Variants in GMPS observed in about 807,000 individuals in gnomAD.
GMPS encodes guanosine monophosphate synthase.
In GMPS, 15 loss-of-function variants were observed where a neutral mutation model predicts 77.9. The ratio of observed to expected loss-of-function variants is 0.19; its 90% CI spans 0.13 to 0.30. The LOEUF (loss-of-function observed/expected upper bound fraction) is 0.30, where lower values mean the gene tolerates loss of function less well. GMPS is among the 10% of genes least tolerant of loss of function. The pLI is 1.00. For missense variants in GMPS, 590 were observed against 838.8 expected (o/e 0.70, Z 3.66); for synonymous variants, 224 against 275.9 (o/e 0.81, Z 1.86).
Position 155,896,096 on chromosome 3 carries a change from G to A in GMPS, c.210-1831G>A, listed in dbSNP as rs1280601925. ...GTGATCTCTGCTCACTGCAAGCTCCGCCTCCCAGGTTCACACCATTCTCCT... is the reference window on the plus strand; with the variant it reads ...GTGATCTCTGCTCACTGCAAGCTCCACCTCCCAGGTTCACACCATTCTCCT... On this transcript the variant is annotated intron_variant, in intron 2 of 15. Coordinates refer to ENST00000496455, the MANE Select transcript of GMPS (RefSeq NM_003875.3). 4.0e-5 allele frequency among the ~76,000 whole-genome samples: 6 copies of A among 151,128 alleles called. No homozygotes were observed. The East Asian group carries it at 7.8e-4, about 20-fold the overall frequency.
chr3:155,871,451 A>G (rs1461920427), intron 1 of GMPS, among the ~76,000 whole-genome samples: 7 of 151,944 alleles, frequency 4.6e-5, no homozygotes, highest in Non-Finnish European at 1.5e-5. Flanking sequence ...TCCCCCCGCC[A>G]GCCTTGGGCT....
intron 12 of GMPS, among the ~76,000 whole-genome samples, chr3:155,929,390 A>G (rs1426386168): frequency 2.6e-5 from 4 of 152,098 alleles, no homozygotes; most frequent in Admixed American, 2.0e-4. Flanking sequence ...ATCTATGACA[A>G]ACCCACAGCC....
chr3:155,919,268 A>G lies in GMPS; in HGVS notation c.1248A>G (p.Lys416=). The G allele has an allele frequency of 6.3e-7, 1 of 1,591,354 alleles. No homozygotes were observed. Among genetic ancestry groups the G allele is most frequent in the Non-Finnish European group, 8.6e-7 (1 of 1,165,690 alleles). ...KVIEPLKDFH[K]DEVRILGREL... is the part of the protein sequence containing the mutation. ...TAGAACCTCTGAAAGATTTTCATAA[A>G]GATGAAGTGAGAATTTTGGGCAGAG... Residue 416 remains lysine, a synonymous_variant, in exon 10 of 16, where the codon AAA becomes AAG. Transcript: ENST00000496455.
intron 10 of GMPS, among the ~76,000 whole-genome samples, chr3:155,920,769 CTT>C (rs1274862805): frequency 6.6e-6 from 1 of 152,040 alleles, no homozygotes; most frequent in Non-Finnish European, 1.5e-5. Context: ...TAAAAACTAT[CTT>C]AAGTATGCTG....
intron 7 of GMPS, among the ~76,000 whole-genome samples, chr3:155,913,214 A>G (rs2108107327): frequency 6.6e-6 from 1 of 152,286 alleles, no homozygotes; most frequent in Middle Eastern, 3.4e-3. Context: ...AAGACCTACA[A>G]ATTCACTGGC....
At position 155,897,510 on chromosome 3, in the gene GMPS, G is replaced by T. The variant is rs571395506; in HGVS notation, c.210-417G>T. The stretch of plus-strand genomic sequence containing the variant: ...AGTATTTTGCTCTGAGCCATCCAGG[G>T]CCTTCATAATACCTTCAGTTGTTGT... On this transcript the variant is annotated intron_variant, in intron 2 of 15. Transcript: ENST00000496455. Among the ~76,000 whole-genome samples, 10 of 152,226 alleles carry T rather than the reference G, an allele frequency of 6.6e-5. No homozygotes were observed. In the East Asian group the frequency reaches 1.7e-3, roughly 26 times the overall value.
At chr3:155,926,600 AAAAG>A (rs1451323073) in intron 12 of GMPS, among the ~76,000 whole-genome samples, 4 of 151,104 alleles carry the variant, frequency 2.6e-5, no homozygotes, top group African/African-American at 9.9e-5. Flanking sequence ...AAAATAAAAA[AAAAG>A]AAATTCTGTT....
At chr3:155,915,547 G>A (rs1164340820) in intron 8 of GMPS, among the ~76,000 whole-genome samples, 10 of 152,126 alleles carry the variant, frequency 6.6e-5, no homozygotes, top group African/African-American at 2.2e-4. Flanking sequence ...GATTACAGGC[G>A]TGTGCCACCA....
chr3:155,942,231 C>G lies in GMPS; in HGVS notation c.*4539C>G, dbSNP rs1182471280. The G allele has an allele frequency of 1.1e-5, 2 of 181,550 alleles. No homozygotes were observed. The highest frequency in any genetic ancestry group is 1.2e-5 in the Non-Finnish European group (1 of 85,234). 11.2% of individuals were successfully genotyped at this position (181,550 alleles called of 1,614,324 possible). ...TCTCCCGAGTAGCTGGGACTACAGG[C>G]GCCCGCCACTACGCCCGGCTAATTT... On this transcript the variant is annotated 3_prime_UTR_variant, in exon 16 of 16. Transcript: ENST00000496455.
rs1016249168 is a variant in GMPS, at chr3:155,940,584, G to A, written c.*2892G>A. The A allele has an allele frequency of 1.8e-5, 4 of 217,334 alleles. No homozygotes were observed. Among genetic ancestry groups the A allele is most frequent in the African/African-American group, 6.8e-5 (3 of 44,434 alleles). 13.5% of individuals were successfully genotyped at this position (217,334 alleles called of 1,614,324 possible). On this transcript the variant is annotated 3_prime_UTR_variant, in exon 16 of 16. Transcript: ENST00000496455. ...ATCCATCTTTAGTGCTTTTCCTGCCGTTAAACAACAATGTGAACTTGGTCA... is the reference window on the plus strand; with the variant it reads ...ATCCATCTTTAGTGCTTTTCCTGCCATTAAACAACAATGTGAACTTGGTCA...
rs374436916 is a variant in GMPS at position 155,925,353 on chromosome 3, C to G, written c.1547C>G (p.Thr516Ser). 2 of 1,608,578 alleles carry G rather than the reference C, an allele frequency of 1.2e-6. No homozygotes were observed. ...AATGCCTTCTTGCTGCCAATTAAAA[C>G]TGTAGGTGTGCAGGTGAGTTGTGTG... ...SLNAFLLPIKTVGVQGDCRSY... is the reference protein window; with the variant it reads ...SLNAFLLPIKSVGVQGDCRSY... Residue 516 changes from threonine (T) to serine (S), a missense_variant, in exon 12 of 16, where the codon ACT becomes AGT. By Grantham distance (58) the Thr-to-Ser change is moderately conservative. This residue lies in a region of GMPS where 89 missense variants were observed against 95.9 expected (regional missense o/e 0.93). Coordinates refer to ENST00000496455, the MANE Select transcript of GMPS (RefSeq NM_003875.3).
At chr3:155,897,471 G>A (rs995471241) in intron 2 of GMPS, among the ~76,000 whole-genome samples, 3 of 152,270 alleles carry the variant, frequency 2.0e-5, no homozygotes, top group East Asian at 1.9e-4. Flanking sequence ...CTATTCTGCC[G>A]TCTTTTGTTG....
intron 1 of GMPS, among the ~76,000 whole-genome samples, chr3:155,871,458 G>C (rs1753903347): frequency 6.6e-6 from 1 of 152,204 alleles, no homozygotes; most frequent in Admixed American, 6.5e-5. Flanking sequence ...GCCAGCCTTG[G>C]GCTCCGCGGC....
intron 4 of GMPS, among the ~76,000 whole-genome samples, chr3:155,904,631 G>A (rs1430833032): frequency 1.3e-5 from 2 of 152,080 alleles, no homozygotes; most frequent in Admixed American, 6.5e-5. Context: ...AAAAAGCCAA[G>A]GTTGCTCAAA....
chr3:155,895,250 C>T lies in GMPS; in HGVS notation c.209+1551C>T, dbSNP rs561690962. On this transcript the variant is annotated intron_variant, in intron 2 of 15. Coordinates refer to ENST00000496455, the MANE Select transcript of GMPS (RefSeq NM_003875.3). Reference sequence around the variant, plus strand: ...CTGTAGAAATAACTATTTGACCACCCCTTTTCTAGAACATTTTGTGACATG... The same window carrying T: ...CTGTAGAAATAACTATTTGACCACCTCTTTTCTAGAACATTTTGTGACATG... 2.4e-4 allele frequency among the ~76,000 whole-genome samples: 37 copies of T among 152,228 alleles called. No individual in the cohort carries two copies. The South Asian group carries it at 6.2e-3, about 26-fold the overall frequency.
At chr3:155,889,215 C>T (rs1169463701) in intron 1 of GMPS, among the ~76,000 whole-genome samples, 1 of 152,170 alleles carries the variant, frequency 6.6e-6, no homozygotes, top group African/African-American at 2.4e-5. Context: ...CTGGCTCTGT[C>T]CCTGTGCCCC....
chr3:155,888,786 C>T (rs6441024), intron 1 of GMPS, among the ~76,000 whole-genome samples: 111,151 of 151,726 alleles, frequency 0.73, 41,006 homozygotes, highest in Middle Eastern at 0.8. Flanking sequence ...GGTTTTACCA[C>T]GTTAGCCAGG....
At chr3:155,914,293 A>G in intron 7 of GMPS, 126 bp from the exon 8 acceptor site, 1 of 592,318 alleles carries the variant, frequency 1.7e-6, no homozygotes, top group Non-Finnish European at 2.7e-6. Flanking sequence ...AGGCAGATTT[A>G]GGGGAGATCA....
intron 5 of GMPS, among the ~76,000 whole-genome samples, chr3:155,908,691 G>C (rs1754957398): frequency 6.6e-6 from 1 of 152,104 alleles, no homozygotes; most frequent in Admixed American, 6.5e-5. Context: ...AAGTTTTTTT[G>C]CCTGAGGAAC....
Sources: allele counts gnomAD v4.1 joint callset (sites outside exome capture counted in the v4.1 genomes callset), GRCh38; gene constraint gnomAD v4.1.1; regional missense constraint gnomAD v4.1.1; transcripts MANE v1.5; gene names NCBI Gene and HGNC (gene_info 2026-07-23, HGNC 2026-07-21).